The following CEP70 variants were observed in gnomAD, a reference collection of about 807,000 sequenced individuals.
CEP70 encodes the protein centrosomal protein of 70 kDa.
Under a neutral mutation model 90.9 loss-of-function variants are expected in CEP70, and 70 were observed. That is an observed-to-expected ratio of 0.77 (90% CI 0.64 to 0.94). The LOEUF is 0.94. Ranked by LOEUF, CEP70 falls within the 40% of genes least tolerant of loss-of-function variation. The pLI, the probability that CEP70 is intolerant of heterozygous loss-of-function variation, is 0.00. For synonymous variants in CEP70, 220 were observed against 228.3 expected, an observed-to-expected ratio of 0.96 and a Z score of 0.33; for missense variants, 648 against 669.0, an observed-to-expected ratio of 0.97 and a Z score of 0.35.
intron 6 of CEP70, among the ~76,000 whole-genome samples, chr3:138,542,439 C>T (rs1560372525): frequency 6.6e-6 from 1 of 152,238 alleles, no homozygotes; most frequent in East Asian, 1.9e-4. Flanking sequence ...TCCTTGTCAC[C>T]CGCAGCGCAG....
At chr3:138,496,763 G>A (rs1267658430) in intron 17 of CEP70, 8 of 985,288 alleles carry the variant, frequency 8.1e-6, no homozygotes, top group Non-Finnish European at 9.6e-6. Context: ...TTTAACACCA[G>A]AACTTCAACT....
intron 11 of CEP70, among the ~76,000 whole-genome samples, chr3:138,518,526 A>G (rs1178862754): frequency 3.3e-5 from 5 of 152,164 alleles, no homozygotes; most frequent in African/African-American, 1.2e-4. Context: ...CTGTGCACCA[A>G]TATCCGCTGT....
At chr3:138,590,052 T>G (rs529261798) in intron 2 of CEP70, among the ~76,000 whole-genome samples, 5 of 151,776 alleles carry the variant, frequency 3.3e-5, no homozygotes, top group Non-Finnish European at 7.4e-5. Context: ...AATGGCTATA[T>G]ACTCTGACAA....
chr3:138,544,067 T>C (rs922303886), intron 6 of CEP70, among the ~76,000 whole-genome samples: 3 of 152,128 alleles, frequency 2.0e-5, no homozygotes, highest in African/African-American at 7.2e-5. Flanking sequence ...AGCAGGAGAA[T>C]TGCTTGAGGC....
intron 17 of CEP70, chr3:138,497,493 G>C: frequency 1.0e-6 from 1 of 970,132 alleles, no homozygotes; most frequent in Non-Finnish European, 1.2e-6. Flanking sequence ...TGCCTTATGA[G>C]TCCTAAGCAA....
chr3:138,563,954 G>C (rs878945681), intron 6 of CEP70, among the ~76,000 whole-genome samples: 13 of 152,190 alleles, frequency 8.5e-5, no homozygotes, highest in African/African-American at 3.1e-4. Context: ...CCACTAGCCA[G>C]ACTAATAAAG....
intron 6 of CEP70, 67 bp from the exon 7 acceptor site, chr3:138,537,414 T>A (rs1376135614): frequency 5.6e-6 from 6 of 1,073,548 alleles, no homozygotes; most frequent in Non-Finnish European, 6.4e-6. Flanking sequence ...CTAACAGTAT[T>A]GTACACAAAG....
intron 11 of CEP70, among the ~76,000 whole-genome samples, chr3:138,517,654 G>A (rs1231547864): frequency 3.9e-5 from 6 of 152,318 alleles, no homozygotes; most frequent in Admixed American, 3.3e-4. Context: ...GGGCGACAGA[G>A]CAAGACTCCG....
intron 12 of CEP70, among the ~76,000 whole-genome samples, chr3:138,507,358 T>G (rs2035082057): frequency 6.6e-6 from 1 of 152,204 alleles, no homozygotes; most frequent in Admixed American, 6.5e-5. Flanking sequence ...CAAATATTAA[T>G]CTATAAAGTC....
intron 2 of CEP70, among the ~76,000 whole-genome samples, chr3:138,577,702 A>G (rs919557260): frequency 2.6e-5 from 4 of 152,138 alleles, no homozygotes; most frequent in African/African-American, 4.8e-5. Context: ...CAAGCAGACA[A>G]GAGGTAAAAC....
chr3:138,575,056 C>T (rs1484786856), intron 2 of CEP70, among the ~76,000 whole-genome samples: 2 of 152,154 alleles, frequency 1.3e-5, no homozygotes, highest in African/African-American at 2.4e-5. Flanking sequence ...TCCAAAGGAT[C>T]GCAGCTCCTC....
intron 12 of CEP70, 140 bp from the exon 13 acceptor site, chr3:138,505,605 T>C: frequency 2.0e-6 from 1 of 495,886 alleles, no homozygotes; most frequent in Non-Finnish European, 3.2e-6. Flanking sequence ...TCATAAGGAA[T>C]TGGCTCATGC....
chr3:138,572,861 GT>G lies in CEP70; in HGVS notation c.66del (p.Lys22AsnfsTer11). 6.3e-7 allele frequency: 1 copy of G among 1,588,258 alleles called. No homozygotes were observed. Among genetic ancestry groups the G allele is most frequent in the Non-Finnish European group, 8.6e-7 (1 of 1,157,246 alleles). ...GTCTTAAAATATTTTAAGTTTACCT[GT>G]TTTTCAGTCATGAGTCTGTCTGATG... ...SQPSDRLMTE[K>X]QQEEAEWESI... On this transcript the variant is annotated frameshift_variant, in exon 3 of 18. Coordinates refer to ENST00000264982, the MANE Select transcript of CEP70 (RefSeq NM_024491.4). LOFTEE classifies it high-confidence loss of function.
At chr3:138,537,792 A>C (rs1257590551) in intron 6 of CEP70, among the ~76,000 whole-genome samples, 1 of 152,170 alleles carries the variant, frequency 6.6e-6, no homozygotes, top group African/African-American at 2.4e-5. Context: ...TATCATCAAG[A>C]AATAATCAGG....
intron 1 of CEP70, 148 bp from the exon 2 acceptor site, chr3:138,592,104 C>T (rs2042412442): frequency 2.0e-6 from 1 of 500,886 alleles, no homozygotes; most frequent in South Asian, 3.2e-5. Context: ...TAATGGCCTT[C>T]CCAGCTCACC....
chr3:138,542,354 G>A (rs1433555497), intron 6 of CEP70, among the ~76,000 whole-genome samples: 1 of 152,326 alleles, frequency 6.6e-6, no homozygotes, highest in South Asian at 2.1e-4. Flanking sequence ...GCCCAAAGAG[G>A]GTGTTAGAGT....
chr3:138,560,477 T>C (rs1386334641), intron 6 of CEP70, among the ~76,000 whole-genome samples: 1 of 151,838 alleles, frequency 6.6e-6, no homozygotes, highest in Non-Finnish European at 1.5e-5. Context: ...GTTTTTGTTT[T>C]TTTTTTTTCA....
chr3:138,591,998 T>C, intron 1 of CEP70, 42 bp from the exon 2 acceptor site: 1 of 659,542 alleles, frequency 1.5e-6, no homozygotes, highest in Non-Finnish European at 2.5e-6. Context: ...CTTGAAATGT[T>C]CAACCTCCTA....
chr3:138,567,808 T>C (rs2040890201), intron 6 of CEP70, among the ~76,000 whole-genome samples: 1 of 152,188 alleles, frequency 6.6e-6, no homozygotes, highest in South Asian at 2.1e-4. Context: ...CATGTATATA[T>C]GATATAAACA....
Sources: gnomAD v4.1 joint callset for allele counts (sites outside exome capture counted in the v4.1 genomes callset) on GRCh38, gnomAD v4.1.1 for gene constraint, MANE v1.5 for transcripts, NCBI Gene and HGNC (gene_info 2026-07-23, HGNC 2026-07-21) for gene names.